The following ZNF3 variants were observed in gnomAD, a reference collection of about 807,000 sequenced individuals.
ZNF3 encodes zinc finger protein 3, also known as C2-H2 type zinc finger protein.
ZNF3 carries 16 observed loss-of-function variants against 36.9 expected under a neutral mutation model. The ratio of observed to expected loss-of-function variants is 0.43; its 90% CI spans 0.29 to 0.66. The LOEUF (loss-of-function observed/expected upper bound fraction) is 0.66, where lower values mean the gene tolerates loss of function less well. Among genes scored for constraint, ZNF3 ranks in the 30% least tolerant of loss-of-function variants. The pLI, the probability that ZNF3 is intolerant of heterozygous loss-of-function variation, is 0.13. For missense variants in ZNF3, 462 were observed against 543.1 expected, an observed-to-expected ratio of 0.85 and a Z score of 1.48; for synonymous variants, 201 against 201.9, an observed-to-expected ratio of 1.00 and a Z score of 0.04.
exon 6 of ZNF3, chr7:100,064,544 G>C: frequency 6.2e-7 from 1 of 1,614,186 alleles, no homozygotes; most frequent in Non-Finnish European, 8.5e-7. Context: ...CATCACTGTG[G>C]AAAGACCTTC....
chr7:100,063,955 C>T, downstream of ZNF3: 1 of 1,614,182 alleles, frequency 6.2e-7, no homozygotes, highest in South Asian at 1.1e-5. Flanking sequence ...AAAACCCCCT[C>T]TTCAAGAGGC....
chr7:100,071,261 C>A lies in ZNF3; in HGVS notation c.1223G>T (p.Ser408Ile). The change falls in exon 6 of 6, where the codon AGC (serine) becomes ATC (isoleucine). Residue 408 changes from serine (S) to isoleucine (I), a missense_variant. By Grantham distance (142) the Ser-to-Ile change is moderately radical (BLOSUM62 -2). Coordinates refer to ENST00000299667, the MANE Select transcript of ZNF3 (RefSeq NM_032924.5). The stretch of plus-strand genomic sequence containing the variant: ...TCTCTGATGGCGAACAAGAGCCGAG[C>A]TGTACCTGAAGGCTTTCCCACACTC... ...CSECGKAFRY[S>I]SALVRHQRIH... The A allele has an allele frequency of 6.2e-7, 1 of 1,614,272 alleles. No homozygotes were observed. Among genetic ancestry groups the A allele is most frequent in the Non-Finnish European group, 8.5e-7 (1 of 1,180,042 alleles).
chr7:100,065,228 A>G (rs1367171007), downstream of ZNF3, among the ~76,000 whole-genome samples: 1 of 152,144 alleles, frequency 6.6e-6, no homozygotes, highest in Non-Finnish European at 1.5e-5. Flanking sequence ...GGAGTTCGAG[A>G]CCAGTCTGGC....
chr7:100,064,161 CCACTA>C (rs1229179654), exon 6 of ZNF3: 1 of 1,613,972 alleles, frequency 6.2e-7, no homozygotes, highest in African/African-American at 1.3e-5. Context: ...ACCTCACCCT[CCACTA>C]CAGAACACAC....
downstream of ZNF3, chr7:100,063,851 G>T: frequency 6.2e-7 from 1 of 1,614,060 alleles, no homozygotes; most frequent in Non-Finnish European, 8.5e-7. Context: ...GAAGCAGAGG[G>T]GCTCAAAGGG....
At chr7:100,067,998 T>G (rs764044583), downstream of ZNF3, among the ~76,000 whole-genome samples, 3 of 152,196 alleles carry the variant, frequency 2.0e-5, no homozygotes, top group Non-Finnish European at 4.4e-5. Context: ...TGAAACATAC[T>G]ATGAAACTGT....
At position 100,078,144 on chromosome 7, in the gene ZNF3, CTT is replaced by C. The variant is rs527948626; in HGVS notation, c.-76-713_-76-712del. ...ATCCCGCCTTTGGCTGCCCCCATCA[CTT>C]TGAGTAATATTTATAACAAAATGCA... On this transcript the variant is annotated intron_variant, in intron 2 of 5. Coordinates refer to ENST00000299667, the MANE Select transcript of ZNF3 (RefSeq NM_032924.5). Among the ~76,000 whole-genome samples the C allele has an allele frequency of 5.3e-5, 8 of 152,278 alleles. No individual in the cohort carries two copies. In the South Asian group the frequency reaches 1.5e-3, roughly 28 times the overall value.
Position 100,071,540 on chromosome 7 carries a change from T to C in ZNF3, c.944A>G (p.Asn315Ser), listed in dbSNP as rs780657099. 5 of 1,613,810 alleles carry C rather than the reference T, an allele frequency of 3.1e-6. No homozygotes were observed. The highest frequency in any genetic ancestry group is 4.2e-6 in the Non-Finnish European group (5 of 1,179,950). ...IHTGEKPYAC[N>S]ECGKAFSRSS... Reference sequence around the variant, plus strand: ...CCTGCTGAAGGCCTTCCCACATTCATTGCAGGCGTAGGGTTTCTCACCAGT... The same window carrying C: ...CCTGCTGAAGGCCTTCCCACATTCACTGCAGGCGTAGGGTTTCTCACCAGT... The change falls in exon 6 of 6, where the codon AAT (asparagine) becomes AGT (serine). Residue 315 changes from asparagine (N) to serine (S), a missense_variant. By Grantham distance (46) the Asn-to-Ser change is conservative. Transcript: ENST00000299667.
At chr7:100,075,418 AG>A in intron 4 of ZNF3, 123 bp downstream of exon 4, 13 of 1,506,140 alleles carry the variant, frequency 8.6e-6, no homozygotes, top group Non-Finnish European at 1.0e-5. Context: ...ATAGAAGGTG[AG>A]GGTCCATGAT....
At chr7:100,078,295 G>C (rs1794434674) in intron 2 of ZNF3, among the ~76,000 whole-genome samples, 2 of 151,530 alleles carry the variant, frequency 1.3e-5, no homozygotes, top group African/African-American at 4.8e-5. Flanking sequence ...AGGAGTTCGA[G>C]ACCAGCCTGG....
intron 5 of ZNF3, among the ~76,000 whole-genome samples, chr7:100,074,183 A>G (rs1793684376): frequency 6.6e-6 from 1 of 152,098 alleles, no homozygotes. Context: ...ATTTGGAGTT[A>G]AAGACTGGGC....
At chr7:100,076,005 T>A (rs1359896287) in intron 3 of ZNF3, among the ~76,000 whole-genome samples, 1 of 151,708 alleles carries the variant, frequency 6.6e-6, no homozygotes, top group Non-Finnish European at 1.5e-5. Flanking sequence ...TGCATGAAGT[T>A]CTATTTTTTT....
chr7:100,065,286 T>C (rs1420898553), downstream of ZNF3, among the ~76,000 whole-genome samples: 1 of 152,038 alleles, frequency 6.6e-6, no homozygotes, highest in African/African-American at 2.4e-5. Flanking sequence ...TAGCTGAGCA[T>C]AGTGGCGGGT....
Position 100,070,483 on chromosome 7 carries a change from TG to T in ZNF3, c.*659del, listed in dbSNP as rs936793838. The T allele has an allele frequency of 8.1e-6, 8 of 985,542 alleles. No individual in the cohort carries two copies. The African/African-American group carries it at 1.2e-4, about 15-fold the overall frequency. The allele number at this position is 985,542 out of a possible 1,614,324, so 61.0% of individuals were successfully genotyped here. Reference sequence around the variant, plus strand: ...TTTGCCCATTCAGCCCCAGGACAACTGGGGGGGATGGCAGGGGGTCTGCTGG... The same window carrying T: ...TTTGCCCATTCAGCCCCAGGACAACTGGGGGGATGGCAGGGGGTCTGCTGG... On this transcript the variant is annotated 3_prime_UTR_variant, in exon 6 of 6. Transcript: ENST00000299667.
chr7:100,071,980 TC>T lies in ZNF3; in HGVS notation c.503del (p.Gly168GlufsTer16). The T allele has an allele frequency of 6.2e-7, 1 of 1,613,894 alleles. No individual in the cohort carries two copies. The highest frequency in any genetic ancestry group is 8.5e-7 in the Non-Finnish European group (1 of 1,179,936). ...AATCATTATATTTCTCGCTTCTCTCTCCCCTGGGGGTTAGCTTCTCCTCAAC... is the reference window on the plus strand; with the variant it reads ...AATCATTATATTTCTCGCTTCTCTCTCCCTGGGGGTTAGCTTCTCCTCAAC... ...VTVEEKLTPR[G>X]ERSEKYNDFG... is the part of the protein sequence containing the mutation. On this transcript the variant is annotated frameshift_variant, in exon 6 of 6. Coordinates refer to ENST00000299667, the MANE Select transcript of ZNF3 (RefSeq NM_032924.5). LOFTEE classifies it high-confidence loss of function.
At chr7:100,080,630 G>A (rs1253899777) in intron 1 of ZNF3, among the ~76,000 whole-genome samples, 2 of 152,070 alleles carry the variant, frequency 1.3e-5, no homozygotes, top group Non-Finnish European at 2.9e-5. Context: ...TGGCCAAAAG[G>A]GCGGAACCCC....
Position 100,079,616 on chromosome 7 carries a change from GTT to G in ZNF3, c.-159_-158del, listed in dbSNP as rs1794678821. On this transcript the variant is annotated 5_prime_UTR_variant, in exon 2 of 6. Transcript: ENST00000299667. Reference sequence around the variant, plus strand: ...AATTACTGGGAATTTAGCAGCCTCTGTTCAAGTTCCCGGGAATTCTGACTTTT... The same window carrying G: ...AATTACTGGGAATTTAGCAGCCTCTGCAAGTTCCCGGGAATTCTGACTTTT... The G allele has an allele frequency of 6.6e-6, 1 of 152,178 alleles. No homozygotes were observed. The highest frequency in any genetic ancestry group is 6.5e-5 in the Admixed American group (1 of 15,278). The allele number at this position is 152,178 out of a possible 1,614,324, so 9.4% of individuals were successfully genotyped here.
At chr7:100,068,094 T>C (rs954045151), downstream of ZNF3, among the ~76,000 whole-genome samples, 4 of 152,146 alleles carry the variant, frequency 2.6e-5, no homozygotes, top group East Asian at 2.0e-4. Flanking sequence ...GGCAGGTTTT[T>C]TTCTTCTTCT....
At chr7:100,065,300 T>G (rs1792589329), downstream of ZNF3, among the ~76,000 whole-genome samples, 1 of 151,368 alleles carries the variant, frequency 6.6e-6, no homozygotes, top group African/African-American at 2.4e-5. Context: ...GGCGGGTGCC[T>G]GTAGTCCAAG....
Sources: allele counts gnomAD v4.1 joint callset (sites outside exome capture counted in the v4.1 genomes callset), GRCh38; gene constraint gnomAD v4.1.1; transcripts MANE v1.5; gene names NCBI Gene and HGNC (gene_info 2026-07-23, HGNC 2026-07-21).